GNG7: variants seen among roughly 807,000 people sequenced by gnomAD.
The protein encoded by GNG7 is G protein subunit gamma 7.
In GNG7, 1 loss-of-function variant was observed where a neutral mutation model predicts 4.0. That is an observed-to-expected ratio of 0.25 (90% CI 0.09 to 1.18). The LOEUF is 1.18. GNG7 is among the 50% of genes most tolerant of loss of function. The pLI, the probability that GNG7 is intolerant of heterozygous loss-of-function variation, is 0.50. For missense variants in GNG7, 86 were observed against 91.9 expected (o/e 0.94, Z 0.26); for synonymous variants, 34 against 36.9 (o/e 0.92, Z 0.29).
chr19:2,657,346 AAAAAAAAAAAAAAAAATATATATATAT>A (rs1450667582), intron 1 of GNG7, among the ~76,000 whole-genome samples: 733 of 19,956 alleles, frequency 0.037, 72 homozygotes, highest in South Asian at 0.16. Flanking sequence ...TTAAAAAAAA[AAAAAAAAAAAAAAAAATATATATATAT>A]ATATATATAT....
chr19:2,701,346 C>A, intron 1 of GNG7: 1 of 152,012 alleles, frequency 6.6e-6, no homozygotes, highest in Non-Finnish European at 1.5e-5. Flanking sequence ...AGCAAAACAC[C>A]TGCCCCCAGG....
chr19:2,591,448 A>T (rs1039150814), intron 2 of GNG7, among the ~76,000 whole-genome samples: 2 of 126,448 alleles, frequency 1.6e-5, no homozygotes, highest in African/African-American at 6.2e-5. Flanking sequence ...ATTTGAAAAT[A>T]AAGGGTTTTT....
intron 1 of GNG7, among the ~76,000 whole-genome samples, chr19:2,665,036 A>T (rs1483000929): frequency 6.6e-6 from 1 of 151,790 alleles, no homozygotes; most frequent in Non-Finnish European, 1.5e-5. Flanking sequence ...AGGAGGCTGC[A>T]CACATTGAAA....
chr19:2,675,985 C>A (rs1027914588), intron 1 of GNG7, among the ~76,000 whole-genome samples: 15 of 152,226 alleles, frequency 9.9e-5, no homozygotes, highest in Admixed American at 4.6e-4. Flanking sequence ...TTAAGATGAG[C>A]CCTAAATCCA....
chr19:2,540,183 C>T (rs1219330825), intron 3 of GNG7, among the ~76,000 whole-genome samples: 1 of 151,518 alleles, frequency 6.6e-6, no homozygotes, highest in Non-Finnish European at 1.5e-5. Flanking sequence ...AGGGGTCTTA[C>T]TCTGTTGCCC....
chr19:2,635,119 T>TCC, intron 2 of GNG7, among the ~76,000 whole-genome samples: 1 of 152,320 alleles, frequency 6.6e-6, no homozygotes, highest in African/African-American at 2.4e-5. Flanking sequence ...GTCCCGGGCC[T>TCC]CCACCCACTC....
chr19:2,647,126 C>T (rs756680449), intron 1 of GNG7, among the ~76,000 whole-genome samples: 11 of 152,234 alleles, frequency 7.2e-5, no homozygotes, highest in Non-Finnish European at 1.6e-4. Context: ...CCATCACTGA[C>T]AGGACAAGCT....
chr19:2,519,819 G>A (rs1261069518), intron 4 of GNG7, among the ~76,000 whole-genome samples: 3 of 152,108 alleles, frequency 2.0e-5, no homozygotes, highest in Non-Finnish European at 4.4e-5. Flanking sequence ...GGCCTACACT[G>A]CAGATTTCAG....
chr19:2,603,839 T>TTTATTATTA (rs10647731), intron 2 of GNG7, among the ~76,000 whole-genome samples: 2 of 150,340 alleles, frequency 1.3e-5, no homozygotes, highest in African/African-American at 4.9e-5. Context: ...TGCCTGTTCT[T>TTTATTATTA]TTATTATTAT....
intron 2 of GNG7, among the ~76,000 whole-genome samples, chr19:2,613,260 G>A (rs975192998): frequency 1.3e-5 from 2 of 152,164 alleles, no homozygotes; most frequent in Admixed American, 6.5e-5. Flanking sequence ...TGAACTATAC[G>A]TTGAATTAGG....
At chr19:2,562,871 T>C in intron 2 of GNG7, among the ~76,000 whole-genome samples, 1 of 152,176 alleles carries the variant, frequency 6.6e-6, no homozygotes, top group Admixed American at 6.6e-5. Flanking sequence ...CCCTCTGGTT[T>C]ACACCATCGG....
rs932798954 is a variant in GNG7, at chr19:2,626,601, C to T, written c.-78+19623G>A. ...AACTCATGTCACTTCCTCCAGGAAG[C>T]CCTCCCTGAATTCCCGAACAAAGCT... On this transcript the variant is annotated intron_variant, in intron 2 of 4. Coordinates refer to ENST00000382159, the MANE Select transcript of GNG7 (RefSeq NM_052847.3). The surrounding 1 kb of genome is among the most constrained non-coding windows in gnomAD (Gnocchi z 5.0). 1.3e-5 allele frequency among the ~76,000 whole-genome samples: 2 copies of T among 152,194 alleles called. No individual in the cohort carries two copies. The highest frequency in any genetic ancestry group is 1.3e-4 in the Admixed American group (2 of 15,284).
At chr19:2,571,007 G>T (rs942196715) in intron 2 of GNG7, among the ~76,000 whole-genome samples, 2 of 150,328 alleles carry the variant, frequency 1.3e-5, no homozygotes, top group Non-Finnish European at 1.5e-5. Context: ...TCACTATGTT[G>T]TCCAGGTGGG....
chr19:2,677,812 G>A (rs890649690), intron 1 of GNG7, among the ~76,000 whole-genome samples: 5 of 152,050 alleles, frequency 3.3e-5, no homozygotes, highest in Admixed American at 3.3e-4. Flanking sequence ...AACTCGGGGT[G>A]TCCCTGGCAT....
intron 2 of GNG7, chr19:2,610,961 A>C (rs1024003311): frequency 4.6e-3 from 22 of 4,758 alleles, no homozygotes; most frequent in African/African-American, 0.019. Context: ...GGTGGGGACG[A>C]GGGGGCGGGT....
In GNG7 at chr19:2,653,172, T is replaced by C. The variant is rs1222732635; in HGVS notation, c.-134-6892A>G. On this transcript the variant is annotated intron_variant, in intron 1 of 4. Coordinates refer to ENST00000382159, the MANE Select transcript of GNG7 (RefSeq NM_052847.3). The surrounding 1 kb of genome is among the most constrained non-coding windows in gnomAD (Gnocchi z 4.8). The stretch of plus-strand genomic sequence containing the variant: ...GGCCTCACCCACAGTGTCGAAGGCA[T>C]GCATCTTCTAGGGTTATTAAGGTGC... Among the ~76,000 whole-genome samples, 1 of 152,272 alleles carries C rather than the reference T, an allele frequency of 6.6e-6. No individual in the cohort carries two copies. Among genetic ancestry groups the C allele is most frequent in the South Asian group, 2.1e-4 (1 of 4,830 alleles).
chr19:2,657,357 AAAAAATATATATAT>A (rs1405810941), intron 1 of GNG7, among the ~76,000 whole-genome samples: 4 of 16,162 alleles, frequency 2.5e-4, no homozygotes, highest in Middle Eastern at 0.026. Flanking sequence ...AAAAAAAAAA[AAAAAATATATATAT>A]ATATATATAT....
intron 1 of GNG7, among the ~76,000 whole-genome samples, chr19:2,668,610 A>T (rs947080794): frequency 1.3e-5 from 2 of 152,188 alleles, no homozygotes; most frequent in Non-Finnish European, 2.9e-5. Context: ...GCATCCAGGC[A>T]GCGCTCAATG....
chr19:2,691,728 G>A (rs986675036), intron 1 of GNG7, among the ~76,000 whole-genome samples: 15 of 151,778 alleles, frequency 9.9e-5, no homozygotes, highest in African/African-American at 3.1e-4. Context: ...TTAGCTGGGC[G>A]TGGTGGCACA....
Sources: allele counts gnomAD v4.1 joint callset (sites outside exome capture counted in the v4.1 genomes callset), GRCh38; gene constraint gnomAD v4.1.1; non-coding constraint Gnocchi (gnomAD v3.1); transcripts MANE v1.5; gene names NCBI Gene and HGNC (gene_info 2026-07-23, HGNC 2026-07-21).